The following ATG16L1 variants were observed in gnomAD, a reference collection of about 807,000 sequenced individuals.
ATG16L1 encodes the protein autophagy-related protein 16-1.
ATG16L1 carries 37 observed loss-of-function variants against 88.5 expected under a neutral mutation model. The observed-to-expected ratio is 0.42, with a 90% CI of 0.32 to 0.55. The LOEUF is 0.55. Among genes scored for constraint, ATG16L1 ranks in the 20% least tolerant of loss-of-function variants. The pLI, the probability that ATG16L1 is intolerant of heterozygous loss-of-function variation, is 0.13. For synonymous variants in ATG16L1, 301 were observed against 281.0 expected, an observed-to-expected ratio of 1.07 and a Z score of -0.71; for missense variants, 554 against 752.8, an observed-to-expected ratio of 0.74 and a Z score of 3.09.
At chr2:233,282,818 C>T in intron 12 of ATG16L1, 65 bp downstream of exon 12, 1 of 1,429,404 alleles carries the variant, frequency 7.0e-7, no homozygotes, top group Non-Finnish European at 9.9e-7. Flanking sequence ...AAGGCACAAA[C>T]TGGCAGGTGC....
intron 5 of ATG16L1, among the ~76,000 whole-genome samples, chr2:233,267,647 T>C: frequency 6.6e-6 from 1 of 152,230 alleles, no homozygotes; most frequent in Non-Finnish European, 1.5e-5. Flanking sequence ...TAAGCAGAAT[T>C]GTTTGGCTTA....
intron 4 of ATG16L1, 81 bp downstream of exon 4, chr2:233,264,146 C>T: frequency 7.1e-7 from 1 of 1,413,176 alleles, no homozygotes; most frequent in Non-Finnish European, 1.0e-6. Context: ...TGAGCAGGGC[C>T]AGTGGCAGTG....
At chr2:233,291,994 G>T in intron 14 of ATG16L1, 134 bp from the exon 15 acceptor site, 1 of 1,006,016 alleles carries the variant, frequency 9.9e-7, no homozygotes. Flanking sequence ...GTTATTAGAA[G>T]ACTGGGAACA....
In ATG16L1 at chr2:233,265,123, A is replaced by G. The variant is rs770688687; in HGVS notation, c.621A>G (p.Ala207=). The G allele has an allele frequency of 6.2e-7, 1 of 1,614,012 alleles. No homozygotes were observed. Among genetic ancestry groups the G allele is most frequent in the Non-Finnish European group, 8.5e-7 (1 of 1,180,044 alleles). ...CCCAGGAAGCCAATCGGCTTAATGC[A>G]GAGAATGAAAAAGACTCCAGGTGGG... ...EKAQEANRLN[A]ENEKDSRRRQ... The change falls in exon 5 of 18, where the codon GCA becomes GCG. Residue 207 remains alanine, a synonymous_variant. Transcript: ENST00000392017.
Position 233,269,983 on chromosome 2 carries a change from T to C in ATG16L1, c.642-19T>C. The C allele has an allele frequency of 6.4e-7, 1 of 1,560,268 alleles. No homozygotes were observed. The highest frequency in any genetic ancestry group is 1.2e-5 in the South Asian group (1 of 82,122). On this transcript the variant is annotated intron_variant, in intron 5 of 17. Transcript: ENST00000392017. The stretch of plus-strand genomic sequence containing the variant: ...AAGCAGACATAAATGGTGGGCTTTT[T>C]TTTTTTTTTTCCCAACAGGAGGCGG...
chr2:233,264,859 G>T, intron 4 of ATG16L1, 33 bp from the exon 5 acceptor site: 1 of 1,611,706 alleles, frequency 6.2e-7, no homozygotes, highest in Non-Finnish European at 8.5e-7. Flanking sequence ...GCTCTGGCGA[G>T]GTACTATTCG....
intron 7 of ATG16L1, 120 bp from the exon 8 acceptor site, chr2:233,273,601 G>A: frequency 1.1e-6 from 1 of 927,728 alleles, no homozygotes. Context: ...TCTCTTGGCT[G>A]GGGTTTGGGA....
At chr2:233,263,092 T>A (rs754963176) in intron 2 of ATG16L1, 38 bp from the exon 3 acceptor site, 1 of 1,580,004 alleles carries the variant, frequency 6.3e-7, no homozygotes, top group Non-Finnish European at 8.7e-7. Flanking sequence ...CCTCCGTTTT[T>A]TGCACATTCT....
rs1276521102 is a variant in ATG16L1 at position 233,264,760 on chromosome 2, TAA to T, written c.390-130_390-129del. On this transcript the variant is annotated intron_variant, in intron 4 of 17. Transcript: ENST00000392017. ...TTTCCTCTCCTAATGGATTATCCTG[TAA>T]ACCATGGGGATGGGCCTGGCTAAAA... 7.0e-5 allele frequency: 86 copies of T among 1,226,838 alleles called. 1 individual carries two copies. Among genetic ancestry groups the T allele is most frequent in the Non-Finnish European group, 9.3e-5 (82 of 883,412 alleles). The allele number at this position is 1,226,838 out of a possible 1,614,324, so 76.0% of individuals were successfully genotyped here.
chr2:233,255,279 C>T (rs1292753729), intron 1 of ATG16L1, among the ~76,000 whole-genome samples: 1 of 152,162 alleles, frequency 6.6e-6, no homozygotes, highest in Non-Finnish European at 1.5e-5. Context: ...GTGCCTATTA[C>T]ACTTAACTAC....
chr2:233,252,556 TAAAA>T (rs1222871430), intron 1 of ATG16L1, among the ~76,000 whole-genome samples: 1 of 151,844 alleles, frequency 6.6e-6, no homozygotes, highest in African/African-American at 2.4e-5. Context: ...CTAATTTTTT[TAAAA>T]AAAAATTTTT....
chr2:233,253,111 A>G (rs1385296142), intron 1 of ATG16L1, among the ~76,000 whole-genome samples: 1 of 152,174 alleles, frequency 6.6e-6, no homozygotes, highest in African/African-American at 2.4e-5. Context: ...GATTAAGCCT[A>G]GAACTGCATG....
chr2:233,291,366 CA>C (rs1458901189), intron 14 of ATG16L1, among the ~76,000 whole-genome samples: 1 of 152,146 alleles, frequency 6.6e-6, no homozygotes, highest in Non-Finnish European at 1.5e-5. Flanking sequence ...TCTCTTAGTC[CA>C]TCCCATAATT....
chr2:233,258,420 G>A (rs1451811662), intron 2 of ATG16L1, among the ~76,000 whole-genome samples: 1 of 152,204 alleles, frequency 6.6e-6, no homozygotes, highest in Non-Finnish European at 1.5e-5. Context: ...TGGCTTGGCA[G>A]GGCCTAGCTT....
In ATG16L1 at chr2:233,267,194, C is replaced by G. The variant is rs192634359; in HGVS notation, c.641+2051C>G. Among the ~76,000 whole-genome samples, 6 of 152,176 alleles carry G rather than the reference C, an allele frequency of 3.9e-5. No individual in the cohort carries two copies. The East Asian group carries it at 5.8e-4, about 15-fold the overall frequency. ...TGAAACCCCGTCTCTAATAAAAATA[C>G]GAAAATTAGCCGGGTGTGGTAGCGG... On this transcript the variant is annotated intron_variant, in intron 5 of 17. Transcript: ENST00000392017.
rs763909213 is a variant in ATG16L1, at chr2:233,289,992, CTCTG to C, written c.1324+24_1324+27del. On this transcript the variant is annotated intron_variant, in intron 13 of 17. Coordinates refer to ENST00000392017, the MANE Select transcript of ATG16L1 (RefSeq NM_030803.7). ...CAAAGTCTGTGAGGAAATTCAGTCT[CTCTG>C]TCTGTGTATATGCTTAGATGTTAGC... 2.5e-6 allele frequency: 4 copies of C among 1,612,986 alleles called. No individual in the cohort carries two copies. Among genetic ancestry groups the C allele is most frequent in the Non-Finnish European group, 1.7e-6 (2 of 1,179,106 alleles).
chr2:233,272,950 T>C lies in ATG16L1; in HGVS notation c.708-16T>C. 1 of 1,604,066 alleles carries C rather than the reference T, an allele frequency of 6.2e-7. No individual in the cohort carries two copies. Among genetic ancestry groups the C allele is most frequent in the Non-Finnish European group, 8.5e-7 (1 of 1,170,866 alleles). ...CTGTTCAGGAGAATCAAAGAATGTCTTGCCTTTCTTTCCAGGGATGATGAC... is the reference window on the plus strand; with the variant it reads ...CTGTTCAGGAGAATCAAAGAATGTCCTGCCTTTCTTTCCAGGGATGATGAC... On this transcript the variant is annotated splice_polypyrimidine_tract_variant and intron_variant, in intron 6 of 17. Coordinates refer to ENST00000392017, the MANE Select transcript of ATG16L1 (RefSeq NM_030803.7).
intron 2 of ATG16L1, among the ~76,000 whole-genome samples, chr2:233,259,791 C>T (rs1697074894): frequency 1.3e-5 from 2 of 152,166 alleles, no homozygotes; most frequent in South Asian, 4.1e-4. Context: ...CTCATATTCC[C>T]CATATTCACC....
chr2:233,270,209 C>A, intron 6 of ATG16L1, 142 bp downstream of exon 6: 1 of 535,542 alleles, frequency 1.9e-6, no homozygotes, highest in South Asian at 4.6e-5. Flanking sequence ...GTGGTGTGAT[C>A]ATAGCTTCTA....
Sources: allele counts gnomAD v4.1 joint callset (sites outside exome capture counted in the v4.1 genomes callset), GRCh38; gene constraint gnomAD v4.1.1; transcripts MANE v1.5; gene names NCBI Gene and HGNC (gene_info 2026-07-23, HGNC 2026-07-21).